IFT57: variants seen among roughly 807,000 people sequenced by gnomAD.
The protein encoded by IFT57 is intraflagellar transport protein 57 homolog.
Under a neutral mutation model 56.8 loss-of-function variants are expected in IFT57, and 59 were observed. The observed-to-expected ratio is 1.04, with a 90% CI of 0.84 to 1.29. The LOEUF (loss-of-function observed/expected upper bound fraction) is 1.29, where lower values mean the gene tolerates loss of function less well. Ranked by LOEUF, IFT57 falls within the 50% of genes most tolerant of loss-of-function variation. The pLI, the probability that IFT57 is intolerant of heterozygous loss-of-function variation, is 0.00. For synonymous variants in IFT57, 209 were observed against 186.1 expected (o/e 1.12, Z -1.00); for missense variants, 470 against 522.1 (o/e 0.90, Z 0.97).
intron 2 of IFT57, among the ~76,000 whole-genome samples, 197 bp downstream of exon 2, chr3:108,219,213 A>G (rs1289755): frequency 0.78 from 118,422 of 151,898 alleles, 47,183 homozygotes; most frequent in Non-Finnish European, 0.86. Context: ...ATTACTTTGG[A>G]CTAATAAAGA....
At chr3:108,211,116 A>G (rs1008237767) in intron 4 of IFT57, among the ~76,000 whole-genome samples, 4 of 152,236 alleles carry the variant, frequency 2.6e-5, no homozygotes, top group African/African-American at 9.6e-5. Context: ...AGACACAACA[A>G]TAAGAAAAAT....
At chr3:108,206,486 A>T (rs1432573788) in intron 5 of IFT57, 142 bp downstream of exon 5, 5 of 336,924 alleles carry the variant, frequency 1.5e-5, no homozygotes, top group African/African-American at 1.1e-4. Flanking sequence ...ATAACATTTT[A>T]TATATAGGAA....
chr3:108,189,268 A>G (rs1298111219), intron 6 of IFT57, among the ~76,000 whole-genome samples: 1 of 152,216 alleles, frequency 6.6e-6, no homozygotes, highest in Non-Finnish European at 1.5e-5. Flanking sequence ...GTCCACTTAC[A>G]TTGAATAGAA....
chr3:108,212,668 T>A (rs1326598119), intron 4 of IFT57, among the ~76,000 whole-genome samples: 1 of 152,232 alleles, frequency 6.6e-6, no homozygotes, highest in Non-Finnish European at 1.5e-5. Context: ...TATAATACTC[T>A]ATTCAGATAG....
chr3:108,208,736 T>G (rs1043878144), intron 4 of IFT57, among the ~76,000 whole-genome samples: 8 of 152,150 alleles, frequency 5.3e-5, no homozygotes, highest in African/African-American at 1.9e-4. Flanking sequence ...GAACAGAAAT[T>G]AAGACTGCTA....
rs375459877 is a variant in IFT57, at chr3:108,222,299, G to A, written c.24C>T (p.Val8=). 52 of 1,613,094 alleles carry A rather than the reference G, an allele frequency of 3.2e-5. No individual in the cohort carries two copies. The African/African-American group carries it at 5.6e-4, about 17-fold the overall frequency. The change falls in exon 1 of 11, where the codon GTC becomes GTT. Residue 8 remains valine, a synonymous_variant. Coordinates refer to ENST00000264538, the MANE Select transcript of IFT57 (RefSeq NM_018010.4). Reference sequence around the variant, plus strand: ...CCCCATCTTCCAAACCCGACGTCGTGACGACGGCCAGAGCAGCAGTCATCG... The same window carrying A: ...CCCCATCTTCCAAACCCGACGTCGTAACGACGGCCAGAGCAGCAGTCATCG... MTAALAV[V]TTSGLEDGVP... is the part of the protein sequence containing the mutation.
At chr3:108,167,007 C>T in intron 7 of IFT57, 22 bp from the exon 8 acceptor site, 7 of 1,594,332 alleles carry the variant, frequency 4.4e-6, no homozygotes, top group Non-Finnish European at 5.1e-6. Flanking sequence ...ATGGAATTTG[C>T]AGATAGAAGA....
intron 6 of IFT57, among the ~76,000 whole-genome samples, chr3:108,188,328 T>C (rs62262418): frequency 0.092 from 13,944 of 152,236 alleles, 703 homozygotes; most frequent in Middle Eastern, 0.12. Flanking sequence ...AGCCAGTATA[T>C]ACATTTATTT....
chr3:108,204,242 C>T (rs2080297059), intron 5 of IFT57, among the ~76,000 whole-genome samples: 1 of 152,152 alleles, frequency 6.6e-6, no homozygotes, highest in African/African-American at 2.4e-5. Flanking sequence ...GGTTGACCAT[C>T]CACAAACACC....
intron 6 of IFT57, among the ~76,000 whole-genome samples, chr3:108,171,085 T>C (rs572330481): frequency 6.6e-6 from 1 of 152,074 alleles, no homozygotes; most frequent in South Asian, 2.1e-4. Flanking sequence ...AGTAAAAGGA[T>C]ATTTTGTGAA....
At chr3:108,168,967 G>A (rs191104412) in intron 6 of IFT57, among the ~76,000 whole-genome samples, 1 of 152,144 alleles carries the variant, frequency 6.6e-6, no homozygotes, top group Non-Finnish European at 1.5e-5. Flanking sequence ...GTGTGCATGT[G>A]TCTTTACAGT....
At chr3:108,171,494 G>A (rs1249181560) in intron 6 of IFT57, among the ~76,000 whole-genome samples, 1 of 151,816 alleles carries the variant, frequency 6.6e-6, no homozygotes, top group East Asian at 1.9e-4. Context: ...CAGAATTGGA[G>A]AGCTGAAAAG....
intron 1 of IFT57, 105 bp from the exon 2 acceptor site, chr3:108,219,677 C>T: frequency 3.4e-6 from 4 of 1,180,032 alleles, no homozygotes; most frequent in Non-Finnish European, 4.9e-6. Flanking sequence ...CTTTCTTCCC[C>T]CCAAATGGCC....
intron 1 of IFT57, 71 bp downstream of exon 1, chr3:108,222,040 C>T (rs2080408916): frequency 1.3e-6 from 2 of 1,544,156 alleles, no homozygotes; most frequent in Non-Finnish European, 1.7e-6. Flanking sequence ...AACTGGTTCC[C>T]AGCAGGACCA....
At chr3:108,197,781 T>G (rs1258266024) in intron 5 of IFT57, among the ~76,000 whole-genome samples, 1 of 152,132 alleles carries the variant, frequency 6.6e-6, no homozygotes, top group Non-Finnish European at 1.5e-5. Context: ...AGGATGGGTC[T>G]GGAATCACAT....
chr3:108,195,495 G>C (rs917020793), intron 5 of IFT57, among the ~76,000 whole-genome samples: 2 of 152,094 alleles, frequency 1.3e-5, no homozygotes, highest in Non-Finnish European at 2.9e-5. Flanking sequence ...AAGGAAATCA[G>C]TATGTTAAAG....
intron 6 of IFT57, among the ~76,000 whole-genome samples, chr3:108,185,534 G>C (rs1004860541): frequency 5.4e-5 from 8 of 147,614 alleles, no homozygotes; most frequent in African/African-American, 1.5e-4. Flanking sequence ...TTATTACTAA[G>C]AGATGTGAGC....
intron 6 of IFT57, among the ~76,000 whole-genome samples, chr3:108,179,301 A>G (rs2080139930): frequency 6.6e-6 from 1 of 151,974 alleles, no homozygotes; most frequent in East Asian, 1.9e-4. Flanking sequence ...CTAAAAACTC[A>G]TCTAGGGTCA....
intron 6 of IFT57, among the ~76,000 whole-genome samples, chr3:108,173,566 T>C (rs2080106093): frequency 6.6e-6 from 1 of 151,814 alleles, no homozygotes; most frequent in Non-Finnish European, 1.5e-5. Flanking sequence ...TAGCCTCAGT[T>C]GGGCAAAACC....
Sources: allele counts gnomAD v4.1 joint callset (sites outside exome capture counted in the v4.1 genomes callset), GRCh38; gene constraint gnomAD v4.1.1; transcripts MANE v1.5; gene names NCBI Gene and HGNC (gene_info 2026-07-23, HGNC 2026-07-21).